Variants in CDH23 observed in about 807,000 individuals in gnomAD.
CDH23 encodes cadherin-23.
A neutral mutation model predicts 317.1 loss-of-function variants in CDH23; 189 were observed. That is an observed-to-expected ratio of 0.60 (90% CI 0.53 to 0.67). The LOEUF is 0.67. CDH23 is among the 30% of genes least tolerant of loss of function. CDH23 has a pLI of 0.00. For synonymous variants in CDH23, 1,839 were observed against 1,876.8 expected, an observed-to-expected ratio of 0.98 and a Z score of 0.52; for missense variants, 4,401 against 4,592.4, an observed-to-expected ratio of 0.96 and a Z score of 1.20.
At chr10:71,504,402 A>G (rs1853517449) in intron 3 of CDH23, among the ~76,000 whole-genome samples, 1 of 152,208 alleles carries the variant, frequency 6.6e-6, no homozygotes, top group South Asian at 2.1e-4. Flanking sequence ...TTTCTTTTTA[A>G]GGCTGAATAA....
chr10:71,711,316 C>A (rs1026018265), intron 27 of CDH23, among the ~76,000 whole-genome samples: 2 of 152,152 alleles, frequency 1.3e-5, no homozygotes, highest in African/African-American at 4.8e-5. Context: ...TGGAGAGGAG[C>A]TTTGGAGGGT....
chr10:71,733,813 T>C lies in CDH23; in HGVS notation c.4105-427T>C, dbSNP rs12360477. Among the ~76,000 whole-genome samples the C allele has an allele frequency of 4.7e-3, 723 of 152,338 alleles. 3 individuals are homozygous for C. Among genetic ancestry groups the C allele is most frequent in the Admixed American group, 7.8e-3 (120 of 15,306 alleles). ...TTTATCAGAATTCCTTCTTTGAAAG[T>C]AGGCAAGGTGTGAATCACTACAACG... On this transcript the variant is annotated intron_variant, in intron 32 of 69. Coordinates refer to ENST00000224721, the MANE Select transcript of CDH23 (RefSeq NM_022124.6).
At chr10:71,608,194 A>G (rs1281159551) in intron 9 of CDH23, among the ~76,000 whole-genome samples, 2 of 152,184 alleles carry the variant, frequency 1.3e-5, no homozygotes, top group Non-Finnish European at 2.9e-5. Flanking sequence ...TGCGGTCTTC[A>G]CCAGGGTGTT....
At chr10:71,466,536 C>T (rs1851264304) in intron 3 of CDH23, among the ~76,000 whole-genome samples, 1 of 152,028 alleles carries the variant, frequency 6.6e-6, no homozygotes, top group Non-Finnish European at 1.5e-5. Flanking sequence ...GTGTGTGTGC[C>T]TACCCACGTG....
At chr10:71,643,777 C>T (rs770162509) in intron 11 of CDH23, 84 bp from the exon 12 acceptor site, 4 of 756,808 alleles carry the variant, frequency 5.3e-6, no homozygotes, top group Middle Eastern at 4.5e-4. Flanking sequence ...TGTCTTTTCT[C>T]TCTGGTTCCT....
intron 19 of CDH23, 126 bp downstream of exon 19, chr10:71,687,845 G>A (rs537017900): frequency 1.8e-5 from 16 of 870,540 alleles, no homozygotes; most frequent in African/African-American, 3.3e-5. Flanking sequence ...CTCTTTCCCC[G>A]GCCAAGCTCC....
At chr10:71,779,017 T>A (rs772700516) in intron 40 of CDH23, among the ~76,000 whole-genome samples, 12 of 152,202 alleles carry the variant, frequency 7.9e-5, no homozygotes, top group Non-Finnish European at 1.5e-4. Context: ...AGATTACAAG[T>A]GTGAACCACT....
chr10:71,645,807 G>A lies in CDH23; in HGVS notation c.1141-24G>A, dbSNP rs375085534. Reference sequence around the variant, plus strand: ...TTGGCCACTGTGCCCTTCCTGACTGGCTTCTTCTGCACTCTTGACCCAGGG... The same window carrying A: ...TTGGCCACTGTGCCCTTCCTGACTGACTTCTTCTGCACTCTTGACCCAGGG... On this transcript the variant is annotated intron_variant, in intron 12 of 69. Coordinates refer to ENST00000224721, the MANE Select transcript of CDH23 (RefSeq NM_022124.6). 2.5e-6 allele frequency: 4 copies of A among 1,603,870 alleles called. No individual in the cohort carries two copies. The South Asian group carries it at 3.3e-5, about 13-fold the overall frequency.
intron 9 of CDH23, among the ~76,000 whole-genome samples, chr10:71,608,350 G>A (rs1384424526): frequency 6.6e-6 from 1 of 152,224 alleles, no homozygotes; most frequent in Non-Finnish European, 1.5e-5. Flanking sequence ...AGAGGCCACA[G>A]TGGAGATCAG....
chr10:71,812,443 T>TGCCAACCAAC, intron 66 of CDH23, 37 bp from the exon 67 acceptor site: 6 of 1,537,980 alleles, frequency 3.9e-6, no homozygotes, highest in Non-Finnish European at 5.4e-6. Context: ...ACTCGAGCCT[T>TGCCAACCAAC]CCCTCCCTCC....
chr10:71,722,328 C>G (rs1426336039), intron 28 of CDH23, among the ~76,000 whole-genome samples: 1 of 152,152 alleles, frequency 6.6e-6, no homozygotes, highest in Non-Finnish European at 1.5e-5. Flanking sequence ...TGTAGCAATA[C>G]TGGGATACCC....
intron 38 of CDH23, among the ~76,000 whole-genome samples, chr10:71,769,841 G>A (rs1458773093): frequency 2.4e-4 from 37 of 152,224 alleles, no homozygotes; most frequent in Non-Finnish European, 4.4e-5. Context: ...TTTGTCTTTG[G>A]TGATGGCCAG....
chr10:71,467,513 G>A (rs1041941888), intron 3 of CDH23, among the ~76,000 whole-genome samples: 1 of 152,144 alleles, frequency 6.6e-6, no homozygotes, highest in Non-Finnish European at 1.5e-5. Context: ...CGCACCCCCA[G>A]CACCACCAGC....
intron 6 of CDH23, among the ~76,000 whole-genome samples, chr10:71,556,133 G>A (rs1298391167): frequency 6.6e-6 from 1 of 152,216 alleles, no homozygotes; most frequent in Non-Finnish European, 1.5e-5. Context: ...GACCTCAGTG[G>A]AGCAGTAGTG....
In CDH23 at chr10:71,798,897, C is replaced by T. The variant is rs143129133; in HGVS notation, c.7055-214C>T. On this transcript the variant is annotated intron_variant, in intron 50 of 69. Coordinates refer to ENST00000224721, the MANE Select transcript of CDH23 (RefSeq NM_022124.6). ...GGTCCTGGGCTAGTTGATGCTCATTCCTGTGACTGGGAGAAGCTTTTTCAC... is the reference window on the plus strand; with the variant it reads ...GGTCCTGGGCTAGTTGATGCTCATTTCTGTGACTGGGAGAAGCTTTTTCAC... Among the ~76,000 whole-genome samples the T allele has an allele frequency of 1.2e-3, 176 of 152,280 alleles. No individual in the cohort carries two copies. In the South Asian group the frequency reaches 0.016, roughly 14 times the overall value.
chr10:71,690,103 A>G (rs1865129899), intron 19 of CDH23, among the ~76,000 whole-genome samples: 1 of 152,206 alleles, frequency 6.6e-6, no homozygotes, highest in Non-Finnish European at 1.5e-5. Context: ...ATAATTTAAT[A>G]TGGAATTTCA....
intron 3 of CDH23, among the ~76,000 whole-genome samples, chr10:71,485,956 G>A (rs1325802554): frequency 6.6e-6 from 1 of 151,106 alleles, no homozygotes; most frequent in East Asian, 2.0e-4. Context: ...TTTGCAAATG[G>A]ATGGAGAAAG....
intron 3 of CDH23, among the ~76,000 whole-genome samples, chr10:71,482,703 G>A (rs1852132696): frequency 6.6e-6 from 1 of 152,182 alleles, no homozygotes; most frequent in Non-Finnish European, 1.5e-5. Flanking sequence ...AAGACCTGGG[G>A]GCACTTAGCA....
At chr10:71,665,743 A>G (rs1863865283) in intron 14 of CDH23, among the ~76,000 whole-genome samples, 1 of 152,194 alleles carries the variant, frequency 6.6e-6, no homozygotes, top group African/African-American at 2.4e-5. Context: ...TCCCACGTGC[A>G]CGTAGGGCAG....
Sources: allele counts gnomAD v4.1 joint callset (sites outside exome capture counted in the v4.1 genomes callset), GRCh38; gene constraint gnomAD v4.1.1; transcripts MANE v1.5; gene names NCBI Gene and HGNC (gene_info 2026-07-23, HGNC 2026-07-21).